GLIS3: variants seen among roughly 807,000 people sequenced by gnomAD.
GLIS3 encodes zinc finger protein GLIS3.
Under a neutral mutation model 78.6 loss-of-function variants are expected in GLIS3, and 53 were observed. The ratio of observed to expected loss-of-function variants is 0.67; its 90% CI spans 0.54 to 0.85. The LOEUF (loss-of-function observed/expected upper bound fraction) is 0.85, where lower values mean the gene tolerates loss of function less well. Ranked by LOEUF, GLIS3 falls within the 40% of genes least tolerant of loss-of-function variation. The pLI, the probability that GLIS3 is intolerant of heterozygous loss-of-function variation, is 0.00. For missense variants in GLIS3, 1,703 were observed against 1,231.1 expected (o/e 1.38, Z -5.74); for synonymous variants, 684 against 509.9 (o/e 1.34, Z -4.60).
At chr9:4,412,190 G>C in the GLIS3 span, among the ~76,000 whole-genome samples, 24 of 152,344 alleles carry the variant, frequency 1.6e-4, no homozygotes, top group South Asian at 5.0e-3. Context: ...TTCAGGCCTA[G>C]CAAGGTGGAG....
rs528087912 is a variant in GLIS3, at chr9:4,184,990, A to T, written c.389-59049T>A. ...ATTGAGGTACATTTTACACACCATA[A>T]AATTCACCTTTGATTATTAGTAAAC... On this transcript the variant is annotated intron_variant, in intron 2 of 10. Transcript: ENST00000381971. Among the ~76,000 whole-genome samples, 28 of 152,326 alleles carry T rather than the reference A, an allele frequency of 1.8e-4. No homozygotes were observed. The East Asian group carries it at 2.3e-3, about 13-fold the overall frequency.
At chr9:3,891,073 AAAAAAAAAG>A (rs1822400371) in intron 7 of GLIS3, among the ~76,000 whole-genome samples, 1 of 147,392 alleles carries the variant, frequency 6.8e-6, no homozygotes, top group South Asian at 2.2e-4. Flanking sequence ...CCTCAAAAAA[AAAAAAAAAG>A]AAGAAGAAGA....
At chr9:3,914,497 C>T (rs1824370903) in intron 6 of GLIS3, among the ~76,000 whole-genome samples, 1 of 152,104 alleles carries the variant, frequency 6.6e-6, no homozygotes. Context: ...ATTCAACCCA[C>T]ATTCATGCCA....
At chr9:3,987,915 A>C (rs746419709) in intron 4 of GLIS3, among the ~76,000 whole-genome samples, 1 of 152,078 alleles carries the variant, frequency 6.6e-6, no homozygotes, top group Non-Finnish European at 1.5e-5. Context: ...AGATCTTGAA[A>C]TAATCCAGAG....
At chr9:4,463,097 C>T in the GLIS3 span, among the ~76,000 whole-genome samples, 1 of 152,156 alleles carries the variant, frequency 6.6e-6, no homozygotes, top group South Asian at 2.1e-4. Context: ...TATGCAGAAT[C>T]AATACAGATA....
chr9:4,156,522 T>A (rs959561680), intron 2 of GLIS3, among the ~76,000 whole-genome samples: 1 of 152,178 alleles, frequency 6.6e-6, no homozygotes, highest in Non-Finnish European at 1.5e-5. Context: ...TAGAGGTAAG[T>A]AGGGCACAGA....
chr9:3,925,351 T>A (rs1825146683), intron 6 of GLIS3, among the ~76,000 whole-genome samples: 1 of 152,146 alleles, frequency 6.6e-6, no homozygotes, highest in Non-Finnish European at 1.5e-5. Context: ...TGGGGCCAGG[T>A]CTTGCTTCTA....
chr9:4,457,773 C>CA, the GLIS3 span, among the ~76,000 whole-genome samples: 1 of 151,516 alleles, frequency 6.6e-6, no homozygotes, highest in African/African-American at 2.4e-5. Context: ...TCACTTGAAC[C>CA]CGGGAGGCAG....
intron 8 of GLIS3, among the ~76,000 whole-genome samples, chr9:3,865,466 C>T (rs1451585756): frequency 1.3e-5 from 2 of 152,156 alleles, no homozygotes; most frequent in African/African-American, 4.8e-5. Flanking sequence ...GCTAGAATGG[C>T]TTGTGGGCTT....
intron 2 of GLIS3, among the ~76,000 whole-genome samples, chr9:4,268,724 A>G (rs1435826022): frequency 3.3e-5 from 5 of 152,180 alleles, no homozygotes; most frequent in Admixed American, 3.3e-4. Context: ...AGGAACCCAC[A>G]CTTGTTGATT....
intron 4 of GLIS3, among the ~76,000 whole-genome samples, chr9:4,049,975 T>C (rs571806120): frequency 6.6e-6 from 1 of 152,138 alleles, no homozygotes; most frequent in South Asian, 2.1e-4. Flanking sequence ...TGTGGAGAAA[T>C]AGGAACACTT....
the GLIS3 span, among the ~76,000 whole-genome samples, chr9:4,371,419 G>T: frequency 1.3e-5 from 2 of 152,200 alleles, no homozygotes; most frequent in Non-Finnish European, 2.9e-5. Context: ...TAAGTGCTAA[G>T]CCTTTCCTTT....
At chr9:3,898,271 T>A in intron 7 of GLIS3, 1 of 263,986 alleles carries the variant, frequency 3.8e-6, no homozygotes, top group Non-Finnish European at 7.5e-6. Flanking sequence ...GGTTTGCTGA[T>A]GTGAAAATTT....
At chr9:3,838,819 G>A (rs1481109865) in intron 9 of GLIS3, among the ~76,000 whole-genome samples, 5 of 152,138 alleles carry the variant, frequency 3.3e-5, no homozygotes, top group Admixed American at 1.3e-4. Context: ...CCAACACTCG[G>A]GATATTTGTG....
At chr9:3,853,444 A>G (rs1165327954) in intron 9 of GLIS3, among the ~76,000 whole-genome samples, 2 of 150,604 alleles carry the variant, frequency 1.3e-5, no homozygotes, top group Non-Finnish European at 3.0e-5. Flanking sequence ...CTTTGCACCA[A>G]GTATTATACC....
At chr9:3,942,733 G>A (rs557901261) in intron 4 of GLIS3, among the ~76,000 whole-genome samples, 2 of 152,180 alleles carry the variant, frequency 1.3e-5, no homozygotes, top group Admixed American at 6.5e-5. Context: ...GGTGGGACCT[G>A]AGATCCTGCA....
intron 3 of GLIS3, among the ~76,000 whole-genome samples, chr9:4,123,383 A>G (rs761542841): frequency 2.6e-5 from 4 of 152,114 alleles, no homozygotes; most frequent in Non-Finnish European, 5.9e-5. Context: ...AAAAGCCTCA[A>G]AACTCTTTTA....
chr9:3,847,061 G>A (rs1302930388), intron 9 of GLIS3, among the ~76,000 whole-genome samples: 1 of 152,174 alleles, frequency 6.6e-6, no homozygotes, highest in Admixed American at 6.5e-5. Context: ...GCAAGCGCCT[G>A]TAATCTCAGG....
intron 2 of GLIS3, among the ~76,000 whole-genome samples, chr9:4,278,070 A>G (rs899142640): frequency 4.6e-5 from 7 of 152,346 alleles, no homozygotes; most frequent in African/African-American, 1.4e-4. Flanking sequence ...TAGAAACATA[A>G]AACTAAAAGT....
Sources: gnomAD v4.1 joint callset for allele counts (sites outside exome capture counted in the v4.1 genomes callset) on GRCh38, gnomAD v4.1.1 for gene constraint, MANE v1.5 for transcripts, NCBI Gene and HGNC (gene_info 2026-07-23, HGNC 2026-07-21) for gene names.